Variants in NEGR1 observed in about 807,000 individuals in gnomAD.
NEGR1 encodes the protein IgLON family member 4.
A neutral mutation model predicts 40.9 loss-of-function variants in NEGR1; 10 were observed. The observed-to-expected ratio is 0.24, with a 90% CI of 0.15 to 0.42. The LOEUF is 0.42. NEGR1 is among the 10% of genes least tolerant of loss of function. The pLI is 1.00. For missense variants in NEGR1, 352 were observed against 438.9 expected (o/e 0.80, Z 1.77); for synonymous variants, 185 against 166.8 (o/e 1.11, Z -0.84).
chr1:71,521,345 A>G (rs1647156110), intron 6 of NEGR1, among the ~76,000 whole-genome samples: 1 of 151,978 alleles, frequency 6.6e-6, no homozygotes, highest in African/African-American at 2.4e-5. Flanking sequence ...AAAGTTTAAG[A>G]TTATCTGGCC....
intron 6 of NEGR1, among the ~76,000 whole-genome samples, chr1:71,583,644 A>C (rs548339400): frequency 6.6e-6 from 1 of 152,332 alleles, no homozygotes; most frequent in Admixed American, 6.5e-5. Context: ...GCTCCCAAGG[A>C]GTTATAATTT....
intron 2 of NEGR1, among the ~76,000 whole-genome samples, chr1:71,926,292 T>G (rs1645772218): frequency 6.6e-6 from 1 of 151,924 alleles, no homozygotes; most frequent in African/African-American, 2.4e-5. Context: ...ATATATCCTA[T>G]TCCCAGATAT....
intron 1 of NEGR1, among the ~76,000 whole-genome samples, chr1:72,010,611 C>A (rs1052411518): frequency 6.6e-6 from 1 of 151,852 alleles, no homozygotes; most frequent in Admixed American, 6.6e-5. Flanking sequence ...CTCCCTCCCC[C>A]CAACCCCTTT....
chr1:71,852,933 A>G (rs1310349804), intron 2 of NEGR1, among the ~76,000 whole-genome samples: 5 of 152,094 alleles, frequency 3.3e-5, no homozygotes, highest in African/African-American at 2.4e-5. Context: ...TGTAATAGAA[A>G]TAGGACAAAC....
chr1:72,057,741 T>C (rs1261076182), intron 1 of NEGR1, among the ~76,000 whole-genome samples: 1 of 151,462 alleles, frequency 6.6e-6, no homozygotes, highest in Non-Finnish European at 1.5e-5. Context: ...AAGATAAATG[T>C]GCCAGCATGG....
chr1:71,975,494 T>A (rs999821907), intron 1 of NEGR1, among the ~76,000 whole-genome samples: 1 of 152,358 alleles, frequency 6.6e-6, no homozygotes, highest in Admixed American at 6.5e-5. Flanking sequence ...TCTTCTGACC[T>A]ATTTCTCATG....
At chr1:71,907,129 A>G (rs1029536168) in intron 2 of NEGR1, among the ~76,000 whole-genome samples, 2 of 152,188 alleles carry the variant, frequency 1.3e-5, no homozygotes, top group African/African-American at 2.4e-5. Flanking sequence ...CAATGTTTAC[A>G]AGAGAAAATA....
rs199941755 is a variant in NEGR1, at chr1:71,408,193, ACATATTCGAAGG to A, written c.941-635_941-624del. On this transcript the variant is annotated intron_variant, in intron 6 of 6. Transcript: ENST00000357731. Reference sequence around the variant, plus strand: ...GACTATCATGTGGGTAGAAGAAATAACATATTCGAAGGCATAATAAAAGGACAGAGCAAGGTG... The same window carrying A: ...GACTATCATGTGGGTAGAAGAAATAACATAATAAAAGGACAGAGCAAGGTG... 9.1e-3 allele frequency among the ~76,000 whole-genome samples: 1,391 copies of A among 152,128 alleles called. 20 individuals carry two copies. The highest frequency in any genetic ancestry group is 0.031 in the African/African-American group (1,305 of 41,534).
chr1:71,510,075 GACCCATT>G (rs1177106701), intron 6 of NEGR1, among the ~76,000 whole-genome samples: 4 of 152,190 alleles, frequency 2.6e-5, no homozygotes, highest in African/African-American at 9.7e-5. Flanking sequence ...TGGAATTAAT[GACCCATT>G]AATGGGTTGG....
At chr1:71,497,844 T>C (rs977807407) in intron 6 of NEGR1, among the ~76,000 whole-genome samples, 1 of 152,158 alleles carries the variant, frequency 6.6e-6, no homozygotes, top group Admixed American at 6.6e-5. Flanking sequence ...TTTCCATTTA[T>C]TGATATCTGT....
At chr1:71,418,075 C>CATTT (rs373425190) in intron 6 of NEGR1, among the ~76,000 whole-genome samples, 1 of 140,494 alleles carries the variant, frequency 7.1e-6, no homozygotes. Context: ...CCAGGGTACA[C>CATTT]TTTTTTTTTT....
intron 1 of NEGR1, among the ~76,000 whole-genome samples, chr1:71,984,457 T>G (rs1646378776): frequency 6.6e-6 from 1 of 152,042 alleles, no homozygotes; most frequent in Non-Finnish European, 1.5e-5. Context: ...TTTTTCCACT[T>G]GTAAAACTAA....
chr1:71,449,287 T>C (rs993143025), intron 6 of NEGR1, among the ~76,000 whole-genome samples: 1 of 152,242 alleles, frequency 6.6e-6, no homozygotes, highest in Non-Finnish European at 1.5e-5. Context: ...CTCACTTGAT[T>C]TGACACTGTT....
chr1:72,096,907 C>A (rs1457891582), intron 1 of NEGR1, among the ~76,000 whole-genome samples: 1 of 152,024 alleles, frequency 6.6e-6, no homozygotes, highest in Non-Finnish European at 1.5e-5. Context: ...TGATCTCGAT[C>A]TTCTGAACTT....
At chr1:72,237,129 A>G (rs957019728) in intron 1 of NEGR1, among the ~76,000 whole-genome samples, 2 of 151,998 alleles carry the variant, frequency 1.3e-5, no homozygotes, top group Admixed American at 6.6e-5. Flanking sequence ...AAAAGTTCCT[A>G]TCACCATATA....
chr1:71,812,981 G>T (rs983427268), intron 2 of NEGR1, among the ~76,000 whole-genome samples: 1 of 152,012 alleles, frequency 6.6e-6, no homozygotes, highest in African/African-American at 2.4e-5. Context: ...AATTGCTTTT[G>T]ATGTTTTCAT....
At chr1:71,792,879 T>A (rs904194129) in intron 2 of NEGR1, among the ~76,000 whole-genome samples, 1 of 152,044 alleles carries the variant, frequency 6.6e-6, no homozygotes, top group African/African-American at 2.4e-5. Context: ...AAATATCTTA[T>A]TTCTTTCTAG....
In NEGR1 at chr1:71,487,353, A is replaced by G. The variant is rs145468645; in HGVS notation, c.941-79783T>C. ...TGTCTCCCAGGCAGATGATTTTAGT[A>G]TAATATCTGTAATCACTCCAGAGCT... On this transcript the variant is annotated intron_variant, in intron 6 of 6. Transcript: ENST00000357731. Among the ~76,000 whole-genome samples, 33 of 151,742 alleles carry G rather than the reference A, an allele frequency of 2.2e-4. No homozygotes were observed. In the East Asian group the frequency reaches 6.2e-3, roughly 29 times the overall value.
chr1:72,022,005 G>A (rs1569837967), intron 1 of NEGR1, among the ~76,000 whole-genome samples: 1 of 151,720 alleles, frequency 6.6e-6, no homozygotes, highest in Admixed American at 6.6e-5. Flanking sequence ...CGTGGTGGCA[G>A]GCGCCTGTAG....
Sources: allele counts gnomAD v4.1 joint callset (sites outside exome capture counted in the v4.1 genomes callset), GRCh38; gene constraint gnomAD v4.1.1; transcripts MANE v1.5; gene names NCBI Gene and HGNC (gene_info 2026-07-23, HGNC 2026-07-21).